The following APBA2 variants were observed in gnomAD, a reference collection of about 807,000 sequenced individuals.
APBA2 encodes amyloid beta precursor protein binding family A member 2, also known as amyloid-beta A4 precursor protein-binding family A member 2.
APBA2 carries 30 observed loss-of-function variants against 75.0 expected under a neutral mutation model. The observed-to-expected ratio is 0.40, with a 90% CI of 0.30 to 0.54. The LOEUF is 0.54. Ranked by LOEUF, APBA2 falls within the 20% of genes least tolerant of loss-of-function variation. The pLI, the probability that APBA2 is intolerant of heterozygous loss-of-function variation, is 0.49. For missense variants in APBA2, 801 were observed against 1,016.1 expected, an observed-to-expected ratio of 0.79 and a Z score of 2.88; for synonymous variants, 444 against 409.6, an observed-to-expected ratio of 1.08 and a Z score of -1.01.
At chr15:29,089,468 C>T (rs2043449670) in intron 6 of APBA2, among the ~76,000 whole-genome samples, 3 of 152,212 alleles carry the variant, frequency 2.0e-5, no homozygotes, top group Non-Finnish European at 2.9e-5. Flanking sequence ...TGTGCTCCAG[C>T]TCCACCCAGC....
chr15:28,975,088 A>G (rs1444601374), intron 2 of APBA2, among the ~76,000 whole-genome samples: 2 of 152,190 alleles, frequency 1.3e-5, no homozygotes, highest in South Asian at 2.1e-4. Flanking sequence ...TAAAAAAATC[A>G]TTAAAAGCTT....
intron 3 of APBA2, among the ~76,000 whole-genome samples, chr15:29,004,070 G>A (rs2038989052): frequency 6.6e-6 from 1 of 152,152 alleles, no homozygotes; most frequent in South Asian, 2.1e-4. Context: ...ACTAACCTCA[G>A]GGTCACAGTG....
chr15:28,927,563 C>T (rs2034336458), intron 2 of APBA2, among the ~76,000 whole-genome samples: 1 of 151,636 alleles, frequency 6.6e-6, no homozygotes, highest in Non-Finnish European at 1.5e-5. Flanking sequence ...TTGTTCTGTT[C>T]CCCTCCCCAA....
chr15:28,997,734 G>A (rs1411810498), intron 3 of APBA2, among the ~76,000 whole-genome samples: 1 of 152,140 alleles, frequency 6.6e-6, no homozygotes, highest in Non-Finnish European at 1.5e-5. Flanking sequence ...TGCCTGTAAG[G>A]TATAAGGTAT....
At chr15:28,907,598 G>T (rs1595431957) in intron 1 of APBA2, among the ~76,000 whole-genome samples, 2 of 152,200 alleles carry the variant, frequency 1.3e-5, no homozygotes, top group Non-Finnish European at 1.5e-5. Context: ...TGGTCATTGC[G>T]GTGTCTCTGC....
At position 29,117,310 on chromosome 15, in the gene APBA2, A is replaced by T. The variant is rs886436210; in HGVS notation, c.*177A>T. 3.2e-6 allele frequency: 2 copies of T among 623,908 alleles called. No individual in the cohort carries two copies. The highest frequency in any genetic ancestry group is 8.4e-4 in the Middle Eastern group (2 of 2,376). 38.6% of individuals were successfully genotyped at this position (623,908 alleles called of 1,614,324 possible). A position where few individuals can be genotyped will look rare whatever the true frequency, so the allele number is the denominator to read the frequency against. On this transcript the variant is annotated 3_prime_UTR_variant, in exon 15 of 15. Coordinates refer to ENST00000683413, the MANE Select transcript of APBA2 (RefSeq NM_001353788.2). ...TTTTTTCATTTTGCCAAAAAGGGGT[A>T]TGTCTTTATCAAAGGAGAGTCACAG...
At chr15:29,064,449 C>G (rs190056079) in intron 4 of APBA2, among the ~76,000 whole-genome samples, 3 of 152,258 alleles carry the variant, frequency 2.0e-5, no homozygotes, top group East Asian at 3.9e-4. Context: ...TAGAGGGAGA[C>G]GGATACATGA....
chr15:28,947,242 C>T (rs966083904), intron 2 of APBA2, among the ~76,000 whole-genome samples: 1 of 152,172 alleles, frequency 6.6e-6, no homozygotes, highest in Non-Finnish European at 1.5e-5. Context: ...TGGAAGGCAG[C>T]TCCTTGGGTG....
intron 1 of APBA2, among the ~76,000 whole-genome samples, chr15:28,899,987 A>G (rs1265144114): frequency 1.3e-5 from 2 of 152,154 alleles, no homozygotes; most frequent in Admixed American, 1.3e-4. Flanking sequence ...GAGGCAGGGC[A>G]GGAGTGGAGG....
At chr15:28,949,926 G>A (rs976808109) in intron 2 of APBA2, among the ~76,000 whole-genome samples, 3 of 152,150 alleles carry the variant, frequency 2.0e-5, no homozygotes, top group Non-Finnish European at 2.9e-5. Flanking sequence ...AGGAACCAAC[G>A]TGGGTCCATT....
At chr15:28,955,031 G>T (rs768348066) in intron 2 of APBA2, among the ~76,000 whole-genome samples, 1 of 152,054 alleles carries the variant, frequency 6.6e-6, no homozygotes. Context: ...CATTGCTCAC[G>T]GTTCACCCAG....
chr15:29,094,356 T>C (rs779665326), intron 8 of APBA2, 43 bp downstream of exon 8: 2 of 1,605,902 alleles, frequency 1.2e-6, no homozygotes, highest in Non-Finnish European at 1.7e-6. Context: ...TGTTTGCTTG[T>C]GTTTCCGTGG....
intron 13 of APBA2, among the ~76,000 whole-genome samples, chr15:29,113,066 C>A (rs1339158851): frequency 6.6e-6 from 1 of 152,208 alleles, no homozygotes; most frequent in Non-Finnish European, 1.5e-5. Flanking sequence ...TGTTTCCCTG[C>A]AGGCCTAGAG....
chr15:29,072,028 C>T (rs115612529), intron 4 of APBA2, among the ~76,000 whole-genome samples: 1,700 of 152,126 alleles, frequency 0.011, 40 homozygotes, highest in African/African-American at 0.039. Context: ...CAGCCCTAAC[C>T]CGTGGTGGAT....
intron 2 of APBA2, among the ~76,000 whole-genome samples, chr15:28,980,306 A>T (rs1352295553): frequency 6.6e-6 from 1 of 152,230 alleles, no homozygotes; most frequent in African/African-American, 2.4e-5. Context: ...GTCTTCACTG[A>T]TGTTATGATT....
intron 2 of APBA2, among the ~76,000 whole-genome samples, chr15:28,954,309 A>G (rs2036049428): frequency 1.3e-5 from 2 of 152,118 alleles, no homozygotes; most frequent in South Asian, 4.1e-4. Context: ...ACAAACTTAA[A>G]TGAGAATGCT....
At chr15:28,980,864 A>G (rs535146939) in intron 2 of APBA2, among the ~76,000 whole-genome samples, 8 of 152,338 alleles carry the variant, frequency 5.3e-5, no homozygotes, top group African/African-American at 1.7e-4. Flanking sequence ...AACCGAGTAG[A>G]GAACCCAGAA....
At chr15:28,970,651 T>C (rs1304987786) in intron 2 of APBA2, 1 of 151,494 alleles carries the variant, frequency 6.6e-6, no homozygotes, top group African/African-American at 2.4e-5. Flanking sequence ...TCCTGGAAAA[T>C]CCATCCTAGT....
At chr15:29,101,826 C>G in intron 10 of APBA2, 42 bp downstream of exon 10, 1 of 1,593,668 alleles carries the variant, frequency 6.3e-7, no homozygotes, top group Non-Finnish European at 8.5e-7. Context: ...CCAAAGTTCA[C>G]AGCCCAGGGC....
Sources: gnomAD v4.1 joint callset for allele counts (sites outside exome capture counted in the v4.1 genomes callset) on GRCh38, gnomAD v4.1.1 for gene constraint, MANE v1.5 for transcripts, NCBI Gene and HGNC (gene_info 2026-07-23, HGNC 2026-07-21) for gene names.